The following SLIT3 variants were observed in gnomAD, a reference collection of about 807,000 sequenced individuals.
The protein encoded by SLIT3 is slit homolog 3 protein.
A neutral mutation model predicts 184.0 loss-of-function variants in SLIT3; 68 were observed. The ratio of observed to expected loss-of-function variants is 0.37; its 90% CI spans 0.30 to 0.45. The LOEUF is 0.45. SLIT3 is among the 20% of genes least tolerant of loss of function. SLIT3 has a pLI of 1.00. For synonymous variants in SLIT3, 831 were observed against 828.6 expected, an observed-to-expected ratio of 1.00 and a Z score of -0.05; for missense variants, 1,707 against 2,026.0, an observed-to-expected ratio of 0.84 and a Z score of 3.02.
intron 4 of SLIT3, among the ~76,000 whole-genome samples, chr5:168,985,691 A>G (rs1463068585): frequency 2.6e-5 from 4 of 152,216 alleles, no homozygotes; most frequent in Non-Finnish European, 5.9e-5. Context: ...AGATGTGCTC[A>G]CAGGAATGCA....
chr5:169,123,815 G>C (rs1760977095), intron 4 of SLIT3, among the ~76,000 whole-genome samples: 1 of 152,210 alleles, frequency 6.6e-6, no homozygotes, highest in Non-Finnish European at 1.5e-5. Context: ...CAAAAGTCAT[G>C]GTGACAGTGT....
intron 4 of SLIT3, among the ~76,000 whole-genome samples, chr5:169,093,992 G>A (rs926866821): frequency 1.3e-5 from 2 of 152,142 alleles, no homozygotes; most frequent in African/African-American, 2.4e-5. Flanking sequence ...ACCGTTCTAA[G>A]CATTTCCTAT....
intron 4 of SLIT3, among the ~76,000 whole-genome samples, chr5:169,169,597 G>C (rs1354686844): frequency 6.6e-6 from 1 of 152,162 alleles, no homozygotes; most frequent in South Asian, 2.1e-4. Flanking sequence ...ATTAGAGAGG[G>C]GATCCCTGGC....
intron 4 of SLIT3, among the ~76,000 whole-genome samples, chr5:169,102,881 T>C (rs529384668): frequency 6.6e-6 from 1 of 152,344 alleles, no homozygotes; most frequent in Non-Finnish European, 1.5e-5. Context: ...TGTAGCTGAG[T>C]TGAGCTGACA....
intron 9 of SLIT3, 111 bp from the exon 10 acceptor site, chr5:168,795,689 G>T: frequency 1.2e-6 from 1 of 849,052 alleles, no homozygotes; most frequent in South Asian, 1.4e-5. Flanking sequence ...TTTTGTCACA[G>T]GTGCACGGTC....
chr5:169,083,735 C>T (rs1390724111), intron 4 of SLIT3, among the ~76,000 whole-genome samples: 2 of 152,178 alleles, frequency 1.3e-5, no homozygotes, highest in African/African-American at 2.4e-5. Context: ...AGCTGTCCAC[C>T]AAGGAGCTGG....
intron 4 of SLIT3, among the ~76,000 whole-genome samples, chr5:169,049,909 A>G (rs75938238): frequency 0.016 from 2,432 of 152,200 alleles, 56 homozygotes; most frequent in African/African-American, 0.054. Context: ...CACTATAAGC[A>G]TTTGATCTTT....
intron 3 of SLIT3, among the ~76,000 whole-genome samples, chr5:169,239,517 C>T (rs1765320787): frequency 6.6e-6 from 1 of 151,914 alleles, no homozygotes; most frequent in South Asian, 2.1e-4. Context: ...ATTTTCTATT[C>T]CTTCCTGTTT....
chr5:168,791,430 C>G (rs1396988504), intron 10 of SLIT3: 1 of 152,234 alleles, frequency 6.6e-6, no homozygotes, highest in Non-Finnish European at 1.5e-5. Flanking sequence ...AAGTGATAGA[C>G]AGTTTAGCTG....
intron 4 of SLIT3, among the ~76,000 whole-genome samples, chr5:169,011,178 C>T (rs1188191433): frequency 6.6e-6 from 1 of 152,170 alleles, no homozygotes; most frequent in Non-Finnish European, 1.5e-5. Context: ...CAGCCTGGCC[C>T]AGGCTCCAGC....
chr5:169,174,878 TA>T (rs201383103), intron 4 of SLIT3, among the ~76,000 whole-genome samples: 5 of 150,614 alleles, frequency 3.3e-5, no homozygotes, highest in East Asian at 1.9e-4. Context: ...GACGAATGAT[TA>T]AAAAAAAAAT....
intron 4 of SLIT3, among the ~76,000 whole-genome samples, chr5:169,147,632 T>C (rs1452499257): frequency 6.6e-6 from 1 of 152,220 alleles, no homozygotes; most frequent in East Asian, 1.9e-4. Flanking sequence ...TCCTTAGTAT[T>C]GACTTGCAAG....
intron 26 of SLIT3, among the ~76,000 whole-genome samples, chr5:168,704,341 C>CACACAAAAGT: frequency 7.2e-6 from 1 of 138,764 alleles, no homozygotes; most frequent in African/African-American, 3.5e-5. Flanking sequence ...TGAATCCTGG[C>CACACAAAAGT]ACTGAGGTAG....
At chr5:169,274,663 T>C (rs1766740787) in intron 1 of SLIT3, among the ~76,000 whole-genome samples, 1 of 152,162 alleles carries the variant, frequency 6.6e-6, no homozygotes, top group Non-Finnish European at 1.5e-5. Flanking sequence ...AACAGGGAGA[T>C]CTTCATGATA....
chr5:168,991,027 A>G (rs761158844), intron 4 of SLIT3, among the ~76,000 whole-genome samples: 15 of 152,182 alleles, frequency 9.9e-5, no homozygotes, highest in Admixed American at 3.3e-4. Flanking sequence ...GGGGAAAGTG[A>G]AGGTCAGAAA....
At chr5:169,263,077 A>T (rs1766254116) in intron 1 of SLIT3, among the ~76,000 whole-genome samples, 1 of 152,210 alleles carries the variant, frequency 6.6e-6, no homozygotes, top group South Asian at 2.1e-4. Context: ...AAAGTGGCTC[A>T]CACCTATAAT....
intron 14 of SLIT3, among the ~76,000 whole-genome samples, chr5:168,767,515 C>T (rs558030033): frequency 8.5e-5 from 13 of 152,208 alleles, no homozygotes; most frequent in Admixed American, 2.6e-4. Flanking sequence ...AGCACCTCCA[C>T]GTTAACTGTG....
intron 4 of SLIT3, among the ~76,000 whole-genome samples, chr5:168,917,414 C>T (rs963565793): frequency 6.6e-6 from 1 of 152,202 alleles, no homozygotes; most frequent in Non-Finnish European, 1.5e-5. Flanking sequence ...TGTGGCACTA[C>T]AGGCATGGAA....
intron 4 of SLIT3, among the ~76,000 whole-genome samples, chr5:169,047,144 GCCC>G (rs1385874066): frequency 6.6e-6 from 1 of 152,062 alleles, no homozygotes; most frequent in East Asian, 1.9e-4. Context: ...TCCTGCAGAC[GCCC>G]CCAACTCAAC....
Sources: allele counts gnomAD v4.1 joint callset (sites outside exome capture counted in the v4.1 genomes callset), GRCh38; gene constraint gnomAD v4.1.1; transcripts MANE v1.5; gene names NCBI Gene and HGNC (gene_info 2026-07-23, HGNC 2026-07-21).